Variants in NUP107 observed in about 807,000 individuals in gnomAD.
NUP107 encodes nucleoporin 107.
NUP107 carries 101 observed loss-of-function variants against 141.0 expected under a neutral mutation model. That is an observed-to-expected ratio of 0.72 (90% CI 0.61 to 0.84). NUP107 has a LOEUF of 0.84. NUP107 is among the 40% of genes least tolerant of loss of function. NUP107 has a pLI of 0.00. For missense variants in NUP107, 941 were observed against 1,102.7 expected, an observed-to-expected ratio of 0.85 and a Z score of 2.08; for synonymous variants, 319 against 363.9, an observed-to-expected ratio of 0.88 and a Z score of 1.41.
chr12:68,742,278 C>A, intron 27 of NUP107, 77 bp from the exon 28 acceptor site: 2 of 915,554 alleles, frequency 2.2e-6, no homozygotes, highest in South Asian at 2.9e-5. Context: ...TGAAGCTAAT[C>A]AGATCGATTA....
At chr12:68,725,888 G>A in intron 18 of NUP107, 92 bp downstream of exon 18, 1 of 679,422 alleles carries the variant, frequency 1.5e-6, no homozygotes, top group South Asian at 1.8e-5. Flanking sequence ...CCAGACTGGA[G>A]TGCAGTGGCT....
intron 24 of NUP107, among the ~76,000 whole-genome samples, chr12:68,734,381 C>A (rs543481915): frequency 6.6e-6 from 1 of 152,172 alleles, no homozygotes; most frequent in Non-Finnish European, 1.5e-5. Flanking sequence ...GCACCCTATC[C>A]TTGCCCTCTA....
At chr12:68,733,822 T>C (rs1448800796) in intron 24 of NUP107, among the ~76,000 whole-genome samples, 1 of 152,236 alleles carries the variant, frequency 6.6e-6, no homozygotes, top group Non-Finnish European at 1.5e-5. Flanking sequence ...CAAGATCATC[T>C]CACATGGTAG....
At chr12:68,701,127 G>A (rs1249124305) in intron 7 of NUP107, among the ~76,000 whole-genome samples, 1 of 152,152 alleles carries the variant, frequency 6.6e-6, no homozygotes. Context: ...GAAAAGAGCT[G>A]AAAGTTAGAC....
At chr12:68,735,684 C>G (rs893495920) in intron 26 of NUP107, among the ~76,000 whole-genome samples, 4 of 152,104 alleles carry the variant, frequency 2.6e-5, no homozygotes, top group African/African-American at 9.7e-5. Flanking sequence ...AAGGTAGGGG[C>G]TCTCACCTCT....
chr12:68,731,841 T>A, intron 22 of NUP107, 122 bp downstream of exon 22: 1 of 576,354 alleles, frequency 1.7e-6, no homozygotes, highest in Non-Finnish European at 3.0e-6. Context: ...AGAATGTGTC[T>A]TTGTCAGCCC....
intron 10 of NUP107, among the ~76,000 whole-genome samples, chr12:68,711,114 G>A (rs1306164846): frequency 2.7e-5 from 4 of 150,840 alleles, no homozygotes; most frequent in African/African-American, 9.7e-5. Context: ...AATTAGCCAG[G>A]CGTGGTGGCG....
chr12:68,718,013 A>G (rs1340569514), intron 12 of NUP107, among the ~76,000 whole-genome samples: 1 of 152,196 alleles, frequency 6.6e-6, no homozygotes, highest in African/African-American at 2.4e-5. Context: ...TGATTGGCTC[A>G]TGGAAGTGGG....
intron 7 of NUP107, among the ~76,000 whole-genome samples, chr12:68,702,507 T>A (rs566761783): frequency 1.4e-3 from 218 of 152,046 alleles, no homozygotes; most frequent in African/African-American, 4.8e-3. Flanking sequence ...TCAAGTGATC[T>A]GCCTGTCTCA....
At chr12:68,716,755 G>A (rs1285196972) in intron 12 of NUP107, among the ~76,000 whole-genome samples, 1 of 152,170 alleles carries the variant, frequency 6.6e-6, no homozygotes, top group Admixed American at 6.5e-5. Flanking sequence ...ATAGTGTGAT[G>A]TGTAGGAGTT....
intron 26 of NUP107, among the ~76,000 whole-genome samples, chr12:68,740,871 A>AT (rs1878292081): frequency 6.6e-6 from 1 of 151,766 alleles, no homozygotes; most frequent in African/African-American, 2.4e-5. Context: ...AAATAATAAA[A>AT]TTATTTTTTT....
At chr12:68,727,314 C>T (rs771772214) in intron 19 of NUP107, 37 bp from the exon 20 acceptor site, 9 of 1,068,894 alleles carry the variant, frequency 8.4e-6, no homozygotes, top group Non-Finnish European at 1.3e-5. Flanking sequence ...TTCATATAAG[C>T]AGTGTATTTA....
Position 68,727,967 on chromosome 12 carries a change from G to C in NUP107, c.1734+578G>C, listed in dbSNP as rs565778074. Among the ~76,000 whole-genome samples the C allele has an allele frequency of 2.5e-4, 38 of 152,228 alleles. 1 individual carries two copies. The South Asian group carries it at 7.5e-3, about 30-fold the overall frequency. On this transcript the variant is annotated intron_variant, in intron 20 of 27. Transcript: ENST00000229179. The stretch of plus-strand genomic sequence containing the variant: ...TGTATTCTTATGATAATGTAAGTTA[G>C]AGAAAAGAAAACATTACTAAGAAAA...
At chr12:68,699,001 T>C (rs1876199007) in intron 6 of NUP107, among the ~76,000 whole-genome samples, 1 of 152,088 alleles carries the variant, frequency 6.6e-6, no homozygotes, top group Admixed American at 6.6e-5. Flanking sequence ...GTGTTAGATA[T>C]TGATGGTGAG....
rs745342141 is a variant in NUP107, at chr12:68,721,854, G to A, written c.1325G>A (p.Cys442Tyr). ...SGNLKQLLPV[C>Y]DTWEDTVWAY... The stretch of plus-strand genomic sequence containing the variant: ...ATGGGGAAAAAGCTGCTTCCTGTCT[G>A]TGACACCTGGGAAGACACAGTTTGG... Residue 442 changes from cysteine to tyrosine, a missense_variant, in exon 16 of 28, where the codon TGT becomes TAT. By Grantham distance (194) the Cys-to-Tyr change is radical (BLOSUM62 -2). Coordinates refer to ENST00000229179, the MANE Select transcript of NUP107 (RefSeq NM_020401.4). 1 of 1,613,006 alleles carries A rather than the reference G, an allele frequency of 6.2e-7. No individual in the cohort carries two copies. Among genetic ancestry groups the A allele is most frequent in the South Asian group, 1.1e-5 (1 of 90,788 alleles).
intron 26 of NUP107, chr12:68,739,936 A>G (rs1200578751): frequency 6.6e-6 from 1 of 152,160 alleles, no homozygotes; most frequent in African/African-American, 2.4e-5. Flanking sequence ...CAGATGAGAA[A>G]AATGTCTTCA....
intron 18 of NUP107, 26 bp downstream of exon 18, chr12:68,725,822 G>GTT: frequency 2.0e-6 from 2 of 989,592 alleles, no homozygotes; most frequent in Non-Finnish European, 2.9e-6. Context: ...ATTTTACTTT[G>GTT]TGTTTTTTGT....
chr12:68,742,500 G>A lies in NUP107; in HGVS notation c.*38G>A. 2.6e-6 allele frequency: 3 copies of A among 1,154,982 alleles called. No individual in the cohort carries two copies. Among genetic ancestry groups the A allele is most frequent in the Non-Finnish European group, 3.7e-6 (3 of 806,146 alleles). 71.5% of individuals were successfully genotyped at this position (1,154,982 alleles called of 1,614,324 possible). A position where few individuals can be genotyped will look rare whatever the true frequency, so the allele number is the denominator to read the frequency against. ...AATCTCACTAATTTTCATGATAAAT[G>A]AAGTTTTTAATAAAATATACTTGTT... On this transcript the variant is annotated 3_prime_UTR_variant, in exon 28 of 28. Transcript: ENST00000229179.
intron 8 of NUP107, among the ~76,000 whole-genome samples, chr12:68,705,148 A>G (rs925197299): frequency 2.0e-5 from 3 of 152,214 alleles, no homozygotes; most frequent in Non-Finnish European, 4.4e-5. Context: ...ATTTTTTAAT[A>G]TCTTTCCAAT....
Sources: gnomAD v4.1 joint callset for allele counts (sites outside exome capture counted in the v4.1 genomes callset) on GRCh38, gnomAD v4.1.1 for gene constraint, MANE v1.5 for transcripts, NCBI Gene and HGNC (gene_info 2026-07-23, HGNC 2026-07-21) for gene names.